Variants in ROBO2 observed in about 807,000 individuals in gnomAD.
The protein encoded by ROBO2 is roundabout guidance receptor 2.
In ROBO2, 53 loss-of-function variants were observed where a neutral mutation model predicts 160.8. That is an observed-to-expected ratio of 0.33 (90% confidence interval 0.26 to 0.41). The LOEUF (loss-of-function observed/expected upper bound fraction) is 0.41, where lower values mean the gene tolerates loss of function less well. ROBO2 is among the 10% of genes least tolerant of loss of function. The pLI, the probability that ROBO2 is intolerant of heterozygous loss-of-function variation, is 1.00. For missense variants in ROBO2, 1,577 were observed against 1,722.4 expected, an observed-to-expected ratio of 0.92 and a Z score of 1.49; for synonymous variants, 664 against 611.7, an observed-to-expected ratio of 1.09 and a Z score of -1.26.
chr3:77,379,168 G>A (rs777268007), intron 2 of ROBO2, among the ~76,000 whole-genome samples: 4 of 151,860 alleles, frequency 2.6e-5, no homozygotes, highest in South Asian at 2.1e-4. Flanking sequence ...GGTTTGTCTC[G>A]AACTCCTGAC....
intron 2 of ROBO2, among the ~76,000 whole-genome samples, chr3:76,124,081 C>G (rs961611224): frequency 2.0e-5 from 3 of 149,448 alleles, no homozygotes; most frequent in African/African-American, 7.3e-5. Flanking sequence ...TAAAAAAACA[C>G]TAGTATTGAT....
chr3:77,167,717 T>C (rs1189537493), intron 2 of ROBO2, among the ~76,000 whole-genome samples: 2 of 152,204 alleles, frequency 1.3e-5, no homozygotes, highest in Non-Finnish European at 2.9e-5. Flanking sequence ...TGTACATTAG[T>C]ACTGTTACAA....
intron 2 of ROBO2, among the ~76,000 whole-genome samples, chr3:76,313,537 C>T (rs1432562720): frequency 2.0e-5 from 3 of 152,128 alleles, no homozygotes; most frequent in Non-Finnish European, 4.4e-5. Context: ...GAGAATGAGT[C>T]ATGTTAAATT....
At chr3:76,506,875 A>C (rs1298178255) in intron 2 of ROBO2, among the ~76,000 whole-genome samples, 2 of 152,184 alleles carry the variant, frequency 1.3e-5, no homozygotes, top group Admixed American at 1.3e-4. Context: ...TTGTTCCTTA[A>C]AATATACCTA....
chr3:76,913,493 C>T (rs1029351641), intron 2 of ROBO2, among the ~76,000 whole-genome samples: 2 of 152,138 alleles, frequency 1.3e-5, no homozygotes, highest in Non-Finnish European at 2.9e-5. Context: ...AATGTTATTT[C>T]TATGTATTAT....
At chr3:76,499,848 CTA>C (rs1388395462) in intron 2 of ROBO2, among the ~76,000 whole-genome samples, 4 of 152,058 alleles carry the variant, frequency 2.6e-5, no homozygotes, top group African/African-American at 9.7e-5. Flanking sequence ...GCTTTACAGA[CTA>C]TGAATTCTCC....
chr3:77,126,981 G>A (rs1405655255), intron 2 of ROBO2, among the ~76,000 whole-genome samples: 5 of 151,142 alleles, frequency 3.3e-5, no homozygotes, highest in African/African-American at 9.7e-5. Flanking sequence ...AGTAGAGACG[G>A]GGTTTCACCA....
chr3:75,988,804 T>C (rs2065486066), intron 2 of ROBO2, among the ~76,000 whole-genome samples: 1 of 152,010 alleles, frequency 6.6e-6, no homozygotes, highest in Non-Finnish European at 1.5e-5. Flanking sequence ...CCTCTGTTAC[T>C]GATTTTTAAC....
chr3:76,418,472 C>A (rs1408368716), intron 2 of ROBO2, among the ~76,000 whole-genome samples: 1 of 152,112 alleles, frequency 6.6e-6, no homozygotes, highest in South Asian at 2.1e-4. Context: ...ACCTCTTGAC[C>A]TCATGATCCA....
intron 2 of ROBO2, among the ~76,000 whole-genome samples, chr3:77,138,268 A>G (rs1229594925): frequency 6.6e-6 from 1 of 152,210 alleles, no homozygotes; most frequent in Non-Finnish European, 1.5e-5. Context: ...TTTATTTGTG[A>G]TTATAGTTTG....
intron 1 of ROBO2, among the ~76,000 whole-genome samples, chr3:77,056,164 G>A (rs2065723352): frequency 1.3e-5 from 2 of 152,154 alleles, no homozygotes; most frequent in South Asian, 4.1e-4. Context: ...CTCAGAATAC[G>A]AGGAAGGGAT....
At chr3:76,003,151 C>T (rs889584433) in intron 2 of ROBO2, among the ~76,000 whole-genome samples, 2 of 152,292 alleles carry the variant, frequency 1.3e-5, no homozygotes, top group Middle Eastern at 3.4e-3. Context: ...CTAGCTTACA[C>T]TTTCTTTTCT....
intron 2 of ROBO2, among the ~76,000 whole-genome samples, chr3:76,372,582 G>A (rs2076158900): frequency 6.6e-6 from 1 of 151,740 alleles, no homozygotes; most frequent in Admixed American, 6.6e-5. Flanking sequence ...CTTCTACTTC[G>A]GGTTAGCTGA....
At chr3:77,339,591 A>G (rs1581176552) in intron 2 of ROBO2, among the ~76,000 whole-genome samples, 1 of 152,156 alleles carries the variant, frequency 6.6e-6, no homozygotes, top group East Asian at 1.9e-4. Flanking sequence ...ATGAAAGAAA[A>G]GTTGTTTTGT....
chr3:77,593,267 C>T (rs1443478896), intron 17 of ROBO2, among the ~76,000 whole-genome samples: 1 of 150,870 alleles, frequency 6.6e-6, no homozygotes, highest in Non-Finnish European at 1.5e-5. Flanking sequence ...AGCTAATTAG[C>T]TATACTGTTT....
At chr3:76,956,900 T>C (rs936602481) in intron 2 of ROBO2, among the ~76,000 whole-genome samples, 3 of 152,108 alleles carry the variant, frequency 2.0e-5, no homozygotes, top group African/African-American at 7.2e-5. Flanking sequence ...AGGAAGGTTG[T>C]GAGGTGCTTG....
chr3:76,394,444 T>A (rs1258581786), intron 2 of ROBO2, among the ~76,000 whole-genome samples: 2 of 152,126 alleles, frequency 1.3e-5, no homozygotes, highest in Admixed American at 6.6e-5. Context: ...ATGTTGAATA[T>A]CGGCCCCCAC....
At chr3:76,079,525 C>A (rs573812881) in intron 2 of ROBO2, among the ~76,000 whole-genome samples, 1 of 149,856 alleles carries the variant, frequency 6.7e-6, no homozygotes, top group South Asian at 2.1e-4. Flanking sequence ...GCTCTGTCGC[C>A]CAAGCTGGAG....
chr3:76,296,210 G>A (rs180725002), intron 2 of ROBO2, among the ~76,000 whole-genome samples: 28 of 152,116 alleles, frequency 1.8e-4, no homozygotes, highest in Admixed American at 3.3e-4. Context: ...GCCAAGCAAC[G>A]CCAACAACCA....
Sources: allele counts gnomAD v4.1 joint callset (sites outside exome capture counted in the v4.1 genomes callset), GRCh38; gene constraint gnomAD v4.1.1; transcripts MANE v1.5; gene names NCBI Gene and HGNC (gene_info 2026-07-23, HGNC 2026-07-21).